MUSK: variants seen among roughly 807,000 people sequenced by gnomAD.
MUSK encodes the protein muscle associated receptor tyrosine kinase, also known as muscle, skeletal receptor tyrosine-protein kinase.
Under a neutral mutation model 88.7 loss-of-function variants are expected in MUSK, and 55 were observed. That is an observed-to-expected ratio of 0.62 (90% CI 0.50 to 0.78). MUSK has a LOEUF of 0.78. Among genes scored for constraint, MUSK ranks in the 30% least tolerant of loss-of-function variants. The pLI, the probability that MUSK is intolerant of heterozygous loss-of-function variation, is 0.00. For synonymous variants in MUSK, 387 were observed against 391.9 expected (o/e 0.99, Z 0.15); for missense variants, 1,015 against 1,074.3 (o/e 0.94, Z 0.77).
At position 110,786,502 on chromosome 9, in the gene MUSK, C is replaced by T. The variant is rs769487316; in HGVS notation, c.1778+784C>T. 6.8e-4 allele frequency among the ~76,000 whole-genome samples: 103 copies of T among 151,962 alleles called. 1 individual carries two copies. Among genetic ancestry groups the T allele is most frequent in the African/African-American group, 1.9e-3 (77 of 41,466 alleles). Reference sequence around the variant, plus strand: ...AGATGTAAATGTGTCTTCACTTCTACGATTTTTAAATTATAAGAAATTAGT... The same window carrying T: ...AGATGTAAATGTGTCTTCACTTCTATGATTTTTAAATTATAAGAAATTAGT... On this transcript the variant is annotated intron_variant, in intron 13 of 14. Coordinates refer to ENST00000374448, the MANE Select transcript of MUSK (RefSeq NM_005592.4).
chr9:110,754,715 C>A (rs1188175416), intron 7 of MUSK, among the ~76,000 whole-genome samples: 1 of 152,174 alleles, frequency 6.6e-6, no homozygotes, highest in African/African-American at 2.4e-5. Context: ...AATTATATGC[C>A]ATTTTCTCTG....
intron 7 of MUSK, among the ~76,000 whole-genome samples, chr9:110,758,586 A>G (rs1050112094): frequency 6.6e-6 from 1 of 152,198 alleles, no homozygotes; most frequent in Non-Finnish European, 1.5e-5. Flanking sequence ...CAGATAAGGG[A>G]AAGAAGTAAA....
At position 110,800,873 on chromosome 9, in the gene MUSK, A is replaced by G. The variant is rs2078086459; in HGVS notation, c.2495A>G (p.Tyr832Cys). 1.9e-6 allele frequency: 3 copies of G among 1,589,682 alleles called. No individual in the cohort carries two copies. Among genetic ancestry groups the G allele is most frequent in the East Asian group, 4.5e-5 (2 of 44,594 alleles). ...SCPENCPVEL[Y>C]NLMRLCWSKL... is the part of the protein sequence containing the mutation. The stretch of plus-strand genomic sequence containing the variant: ...CCTGAGAACTGCCCCGTGGAGCTGT[A>G]CAATCTCATGCGTCTATGTTGGAGC... The change falls in exon 15 of 15, where the codon TAC becomes TGC. Residue 832 changes from tyrosine to cysteine, a missense_variant. By Grantham distance (194) the Tyr-to-Cys change is radical. Coordinates refer to ENST00000374448, the MANE Select transcript of MUSK (RefSeq NM_005592.4).
intron 6 of MUSK, among the ~76,000 whole-genome samples, chr9:110,747,230 G>A (rs144159508): frequency 7.2e-5 from 11 of 152,276 alleles, no homozygotes; most frequent in East Asian, 3.9e-4. Flanking sequence ...AGCCTTATGC[G>A]TACCTTGGAT....
In MUSK at chr9:110,717,491, A is replaced by C. The variant is rs559550664; in HGVS notation, c.629-16760A>C. Among the ~76,000 whole-genome samples the C allele has an allele frequency of 2.3e-4, 34 of 150,034 alleles. 5 individuals are homozygous for C. The highest frequency in any genetic ancestry group is 8.3e-4 in the African/African-American group (33 of 39,706). Reference sequence around the variant, plus strand: ...TTATCCAAAATTTTATTTATCTTAAAACACTGAATTATTTTATGGTCCATA... The same window carrying C: ...TTATCCAAAATTTTATTTATCTTAACACACTGAATTATTTTATGGTCCATA... On this transcript the variant is annotated intron_variant, in intron 5 of 14. Coordinates refer to ENST00000374448, the MANE Select transcript of MUSK (RefSeq NM_005592.4).
At chr9:110,675,928 A>G (rs990658828) in intron 1 of MUSK, among the ~76,000 whole-genome samples, 2 of 151,962 alleles carry the variant, frequency 1.3e-5, no homozygotes, top group Non-Finnish European at 2.9e-5. Context: ...ATTGTTAACC[A>G]CACTCCACAA....
At chr9:110,696,991 A>T (rs571655566) in intron 4 of MUSK, among the ~76,000 whole-genome samples, 307 of 150,268 alleles carry the variant, frequency 2.0e-3, no homozygotes, top group African/African-American at 7.1e-3. Flanking sequence ...TTTTAATCAG[A>T]TTTAGCTGTG....
chr9:110,752,414 G>A (rs2077259672), intron 7 of MUSK, among the ~76,000 whole-genome samples: 1 of 152,240 alleles, frequency 6.6e-6, no homozygotes, highest in South Asian at 2.1e-4. Context: ...ACTCAAGTAT[G>A]GTATCTGCTT....
chr9:110,776,820 A>T (rs2077678658), intron 11 of MUSK, among the ~76,000 whole-genome samples, 165 bp downstream of exon 11: 1 of 152,176 alleles, frequency 6.6e-6, no homozygotes, highest in African/African-American at 2.4e-5. Context: ...AAATCATGGA[A>T]GGTCTCAGTT....
intron 3 of MUSK, among the ~76,000 whole-genome samples, chr9:110,691,592 C>T (rs2076356446): frequency 6.6e-6 from 1 of 152,118 alleles, no homozygotes; most frequent in Non-Finnish European, 1.5e-5. Flanking sequence ...CTCATGGCCT[C>T]CTGTCCTGTA....
chr9:110,768,105 A>C (rs1051362388), intron 9 of MUSK, 22 bp downstream of exon 9: 2 of 1,576,322 alleles, frequency 1.3e-6, no homozygotes, highest in East Asian at 4.5e-5. Flanking sequence ...AAAATAAGTC[A>C]AAGGAAAAAT....
chr9:110,683,596 T>C (rs958454087), intron 2 of MUSK, among the ~76,000 whole-genome samples: 1 of 152,042 alleles, frequency 6.6e-6, no homozygotes, highest in Non-Finnish European at 1.5e-5. Context: ...CATTCCCACA[T>C]CAACAGTGTA....
chr9:110,734,319 T>C lies in MUSK; in HGVS notation c.697T>C (p.Cys233Arg), dbSNP rs376911820. 7.4e-6 allele frequency: 12 copies of C among 1,613,200 alleles called. No individual in the cohort carries two copies. Among genetic ancestry groups the C allele is most frequent in the Non-Finnish European group, 9.3e-6 (11 of 1,179,496 alleles). Residue 233 changes from cysteine to arginine, a missense_variant, in exon 6 of 15, where the codon TGT becomes CGT. Coordinates refer to ENST00000374448, the MANE Select transcript of MUSK (RefSeq NM_005592.4). ...CTTTGGCTCCTTTGTGACCCTGCAC[T>C]GTACAGCAACAGGCATTCCTGTCCC... is the stretch of plus-strand genomic sequence containing the variant. ...VTFGSFVTLH[C>R]TATGIPVPTI...
chr9:110,688,787 C>T (rs1041813724), intron 3 of MUSK, among the ~76,000 whole-genome samples: 17 of 151,870 alleles, frequency 1.1e-4, no homozygotes, highest in African/African-American at 3.9e-4. Context: ...CTGCAAAGGA[C>T]ATGATTTCAT....
chr9:110,700,525 A>C (rs72607183), intron 5 of MUSK, among the ~76,000 whole-genome samples: 13,196 of 152,182 alleles, frequency 0.087, 1,101 homozygotes, highest in East Asian at 0.45. Flanking sequence ...TTTTTTGATA[A>C]ATTTTTCAGA....
At chr9:110,722,951 C>A (rs2076833707) in intron 5 of MUSK, among the ~76,000 whole-genome samples, 1 of 152,010 alleles carries the variant, frequency 6.6e-6, no homozygotes, top group Non-Finnish European at 1.5e-5. Context: ...ACTAGTACAA[C>A]CACTATGGAA....
chr9:110,758,003 C>G (rs1383234947), intron 7 of MUSK, among the ~76,000 whole-genome samples: 2 of 152,110 alleles, frequency 1.3e-5, no homozygotes, highest in Non-Finnish European at 2.9e-5. Flanking sequence ...CTCTCTCTTC[C>G]TCCCAAGTTG....
intron 5 of MUSK, among the ~76,000 whole-genome samples, chr9:110,699,746 G>T (rs909639780): frequency 3.3e-5 from 5 of 152,122 alleles, no homozygotes; most frequent in Non-Finnish European, 5.9e-5. Context: ...GTCAGTTGGG[G>T]CAGACGAGCA....
intron 5 of MUSK, among the ~76,000 whole-genome samples, chr9:110,722,692 C>T (rs2076829874): frequency 6.8e-6 from 1 of 148,022 alleles, no homozygotes; most frequent in Admixed American, 6.7e-5. Context: ...AGAACTGAAA[C>T]AGCAAGAAAA....
Sources: gnomAD v4.1 joint callset for allele counts (sites outside exome capture counted in the v4.1 genomes callset) on GRCh38, gnomAD v4.1.1 for gene constraint, MANE v1.5 for transcripts, NCBI Gene and HGNC (gene_info 2026-07-23, HGNC 2026-07-21) for gene names.